The following ZFHX3 variants were observed in gnomAD, a reference collection of about 807,000 sequenced individuals.
ZFHX3 encodes zinc finger homeobox 3.
Under a neutral mutation model 279.1 loss-of-function variants are expected in ZFHX3, and 42 were observed. The ratio of observed to expected loss-of-function variants is 0.15; its 90% CI spans 0.12 to 0.19. The LOEUF (loss-of-function observed/expected upper bound fraction) is 0.19. Ranked by LOEUF, ZFHX3 falls within the 10% of genes least tolerant of loss-of-function variation. ZFHX3 has a pLI of 1.00. For synonymous variants in ZFHX3, 2,293 were observed against 1,957.8 expected (o/e 1.17, Z -4.52); for missense variants, 4,981 against 4,754.0 (o/e 1.05, Z -1.40).
chr16:73,564,216 A>G (rs536900736), intron 2 of ZFHX3, among the ~76,000 whole-genome samples: 1 of 152,290 alleles, frequency 6.6e-6, no homozygotes, highest in African/African-American at 2.4e-5. Flanking sequence ...GTTTGTGGGA[A>G]ATAGACGGCC....
intron 2 of ZFHX3, among the ~76,000 whole-genome samples, chr16:73,481,942 A>T (rs2018877379): frequency 6.6e-6 from 1 of 152,060 alleles, no homozygotes; most frequent in African/African-American, 2.4e-5. Context: ...TGTCATGATG[A>T]CCCCATAGCC....
chr16:73,252,518 C>T (rs2013540598), intron 5 of ZFHX3, among the ~76,000 whole-genome samples: 1 of 152,022 alleles, frequency 6.6e-6, no homozygotes, highest in African/African-American at 2.4e-5. Flanking sequence ...AATATGGGGG[C>T]GGAAGTGCAG....
chr16:72,927,211 A>G (rs2144267481), intron 3 of ZFHX3, among the ~76,000 whole-genome samples: 1 of 152,280 alleles, frequency 6.6e-6, no homozygotes, highest in South Asian at 2.1e-4. Flanking sequence ...AATAATTTCC[A>G]TTTTTAAACA....
intron 1 of ZFHX3, among the ~76,000 whole-genome samples, chr16:73,889,123 C>T (rs2030444588): frequency 6.6e-6 from 1 of 152,320 alleles, no homozygotes. Context: ...TAACAATCCT[C>T]ATCCCTGCCT....
chr16:73,440,504 A>G (rs1438445051), intron 3 of ZFHX3, among the ~76,000 whole-genome samples: 1 of 152,198 alleles, frequency 6.6e-6, no homozygotes, highest in Non-Finnish European at 1.5e-5. Context: ...CCTGCCACGG[A>G]AAGTCTCCAG....
chr16:72,815,936 C>A (rs1239869915), intron 5 of ZFHX3, among the ~76,000 whole-genome samples: 1 of 152,184 alleles, frequency 6.6e-6, no homozygotes, highest in Non-Finnish European at 1.5e-5. Context: ...TATAAGTAAA[C>A]AATGGCATGG....
At chr16:73,714,014 A>G (rs912887552) in intron 1 of ZFHX3, among the ~76,000 whole-genome samples, 1 of 152,116 alleles carries the variant, frequency 6.6e-6, no homozygotes, top group Non-Finnish European at 1.5e-5. Flanking sequence ...AGCTTGATGT[A>G]TGATCCCTTC....
At chr16:73,621,231 G>A (rs148779234) in intron 2 of ZFHX3, among the ~76,000 whole-genome samples, 1 of 152,018 alleles carries the variant, frequency 6.6e-6, no homozygotes, top group Non-Finnish European at 1.5e-5. Context: ...TTTCCCTTCC[G>A]CAGCGTTACC....
chr16:73,318,759 T>C (rs1326023632), intron 3 of ZFHX3, among the ~76,000 whole-genome samples: 1 of 152,202 alleles, frequency 6.6e-6, no homozygotes, highest in African/African-American at 2.4e-5. Context: ...CGGTATAATA[T>C]CTTTGTGTCA....
intron 2 of ZFHX3, among the ~76,000 whole-genome samples, chr16:73,582,844 A>T (rs2051876071): frequency 6.6e-6 from 1 of 151,346 alleles, no homozygotes; most frequent in South Asian, 2.1e-4. Context: ...ATAAGATGAT[A>T]CTCAGCAAGA....
chr16:73,839,951 T>C (rs1028757175), intron 1 of ZFHX3, among the ~76,000 whole-genome samples: 1 of 152,178 alleles, frequency 6.6e-6, no homozygotes, highest in African/African-American at 2.4e-5. Flanking sequence ...TCTTCTCCAT[T>C]TCCCATTCCT....
At chr16:72,973,340 C>T (rs1354054752) in intron 1 of ZFHX3, 1 of 152,234 alleles carries the variant, frequency 6.6e-6, no homozygotes, top group Non-Finnish European at 1.5e-5. Flanking sequence ...AAAACACATT[C>T]AAACTGAAAC....
chr16:73,393,830 G>A (rs140743117), intron 3 of ZFHX3, among the ~76,000 whole-genome samples: 329 of 150,430 alleles, frequency 2.2e-3, no homozygotes, highest in African/African-American at 7.7e-3. Context: ...ATTCTTTAGT[G>A]GTTTTCTACC....
chr16:73,672,537 A>G (rs1038270346), intron 2 of ZFHX3, among the ~76,000 whole-genome samples: 1 of 152,194 alleles, frequency 6.6e-6, no homozygotes, highest in African/African-American at 2.4e-5. Context: ...CCAAACTCAG[A>G]GCCAACATCA....
intron 5 of ZFHX3, among the ~76,000 whole-genome samples, chr16:73,171,074 C>T (rs1199544403): frequency 1.3e-5 from 2 of 152,144 alleles, no homozygotes; most frequent in Non-Finnish European, 2.9e-5. Context: ...CATTTGGGAA[C>T]CCTCTCTTGA....
Position 72,787,570 on chromosome 16 carries a change from G to C in ZFHX3, c.10706C>G (p.Pro3569Arg), listed in dbSNP as rs2035459959. The change falls in exon 10 of 10, where the codon CCT becomes CGT. Residue 3569 changes from proline (P) to arginine (R), a missense_variant. Transcript: ENST00000268489. ...TRAARNAKEH[P>R]SLLPHSACFP... ...GCAGGCAGAGTGAGGTAATAAACTA[G>C]GGTGCTCTTTGGCGTTTCTTGCTGC... 1 of 1,614,000 alleles carries C rather than the reference G, an allele frequency of 6.2e-7. No homozygotes were observed. The highest frequency in any genetic ancestry group is 8.5e-7 in the Non-Finnish European group (1 of 1,179,960).
intron 2 of ZFHX3, among the ~76,000 whole-genome samples, chr16:73,566,761 C>G (rs1312931165): frequency 6.7e-6 from 1 of 149,046 alleles, no homozygotes; most frequent in Non-Finnish European, 1.5e-5. Context: ...ATGGGTGGCG[C>G]GATCTCGGCT....
intron 4 of ZFHX3, among the ~76,000 whole-genome samples, chr16:72,840,340 G>T (rs1031593325): frequency 2.0e-5 from 3 of 152,140 alleles, no homozygotes; most frequent in Non-Finnish European, 4.4e-5. Context: ...GATGGCTCTC[G>T]TAACAGGAGC....
Position 72,872,467 on chromosome 16 carries a change from G to C in ZFHX3, c.3448+17264C>G, listed in dbSNP as rs140646323. 4.8e-3 allele frequency among the ~76,000 whole-genome samples: 736 copies of C among 152,206 alleles called. 2 individuals carry two copies. Among genetic ancestry groups the C allele is most frequent in the South Asian group, 0.023 (113 of 4,816 alleles). On this transcript the variant is annotated intron_variant, in intron 4 of 9. Transcript: ENST00000268489. Reference sequence around the variant, plus strand: ...AGGAGTTTTCAGGTATTTGTGTTTTGCTTTTTTTGAGACAGAGTCTCACTG... The same window carrying C: ...AGGAGTTTTCAGGTATTTGTGTTTTCCTTTTTTTGAGACAGAGTCTCACTG...
Sources: allele counts gnomAD v4.1 joint callset (sites outside exome capture counted in the v4.1 genomes callset), GRCh38; gene constraint gnomAD v4.1.1; transcripts MANE v1.5; gene names NCBI Gene and HGNC (gene_info 2026-07-23, HGNC 2026-07-21).